CRMP1: variants seen among roughly 807,000 people sequenced by gnomAD.
CRMP1 encodes dihydropyrimidinase-related protein 1.
Under a neutral mutation model 68.3 loss-of-function variants are expected in CRMP1, and 19 were observed. That is an observed-to-expected ratio of 0.28 (90% CI 0.19 to 0.41). The LOEUF (loss-of-function observed/expected upper bound fraction) is 0.41. Among genes scored for constraint, CRMP1 ranks in the 10% least tolerant of loss-of-function variants. CRMP1 has a pLI of 1.00. For synonymous variants in CRMP1, 439 were observed against 399.6 expected (o/e 1.10, Z -1.18); for missense variants, 791 against 967.4 (o/e 0.82, Z 2.42).
intron 1 of CRMP1, chr4:5,887,253 C>T (rs540824871): frequency 1.1e-4 from 76 of 709,772 alleles, no homozygotes; most frequent in Middle Eastern, 1.4e-3. Flanking sequence ...TGGCAGGTGC[C>T]CTGCGACTGT....
Position 5,828,712 on chromosome 4 carries a change from C to G in CRMP1, c.1624-44G>C, listed in dbSNP as rs771997585. 17 of 1,599,174 alleles carry G rather than the reference C, an allele frequency of 1.1e-5. 1 individual carries two copies. Among genetic ancestry groups the G allele is most frequent in the African/African-American group, 6.7e-5 (5 of 74,638 alleles). Reference sequence around the variant, plus strand: ...TGTTACTTCCCAGGATTTGCTCTGCCCCAAACGAGCTGTTCATAACAGCGA... The same window carrying G: ...TGTTACTTCCCAGGATTTGCTCTGCGCCAAACGAGCTGTTCATAACAGCGA... On this transcript the variant is annotated intron_variant, in intron 11 of 13. Transcript: ENST00000324989.
At chr4:5,869,690 A>G (rs1357837887) in intron 1 of CRMP1, among the ~76,000 whole-genome samples, 1 of 144,732 alleles carries the variant, frequency 6.9e-6, no homozygotes, top group African/African-American at 2.5e-5. Context: ...TCAAAAAAAA[A>G]AAAAAAAAAA....
rs1157365056 is a variant in CRMP1 at position 5,865,159 on chromosome 4, T to G, written c.470+1509A>C. Among the ~76,000 whole-genome samples the G allele has an allele frequency of 2.6e-5, 4 of 152,082 alleles. No homozygotes were observed. The highest frequency in any genetic ancestry group is 9.7e-5 in the African/African-American group (4 of 41,396). On this transcript the variant is annotated intron_variant, in intron 2 of 13. Transcript: ENST00000324989. This position sits in a 1 kb window ranked among gnomAD's most constrained non-coding sequence, Gnocchi z 4.1. ...GTATCAATCCCTTTCTGCCTTCCCC[T>G]TGCTCCAATTCCCCTCTGCCTTTCC...
rs551363358 is a variant in CRMP1 at position 5,890,969 on chromosome 4, C to T, written c.381+1620G>A. On this transcript the variant is annotated intron_variant, in intron 1 of 13. Coordinates refer to ENST00000324989, the MANE Select transcript of CRMP1 (RefSeq NM_001014809.3). This position sits in a 1 kb window ranked among gnomAD's most constrained non-coding sequence, Gnocchi z 5.5. ...GGCCCAAGAGAGCAAAGCGCCTTGG[C>T]TGGAAACCCGGATTCCCTGGTGCTG... Among the ~76,000 whole-genome samples the T allele has an allele frequency of 6.6e-6, 1 of 152,232 alleles. No homozygotes were observed. The highest frequency in any genetic ancestry group is 2.4e-5 in the African/African-American group (1 of 41,560).
intron 4 of CRMP1, among the ~76,000 whole-genome samples, chr4:5,851,989 A>AGAGGAGGAGAAAGAGGACGAGGAG (rs1712692928): frequency 1.3e-5 from 1 of 75,498 alleles, no homozygotes; most frequent in Non-Finnish European, 3.3e-5. Context: ...AGGAAGAGGA[A>AGAGGAGGAGAAAGAGGACGAGGAG]GAGGAGGAGA....
chr4:5,836,641 G>A, intron 10 of CRMP1, 124 bp downstream of exon 10: 1 of 1,410,210 alleles, frequency 7.1e-7, no homozygotes, highest in Non-Finnish European at 9.9e-7. Flanking sequence ...CGCCCTCCTA[G>A]TATATCTGCT....
At position 5,889,941 on chromosome 4, in the gene CRMP1, G is replaced by T; in HGVS notation, c.381+2648C>A. ...TTTCCCATTTTACAGACAGGAAATT[G>T]AGGCTTACAGAGGTAAAATGATGTA... On this transcript the variant is annotated intron_variant, in intron 1 of 13. Transcript: ENST00000324989. This position sits in a 1 kb window ranked among gnomAD's most constrained non-coding sequence, Gnocchi z 4.5. 2 of 1,349,674 alleles carry T rather than the reference G, an allele frequency of 1.5e-6. No homozygotes were observed. Among genetic ancestry groups the T allele is most frequent in the Non-Finnish European group, 1.9e-6 (2 of 1,046,556 alleles). 83.6% of individuals were successfully genotyped at this position (1,349,674 alleles called of 1,614,324 possible).
In CRMP1 at chr4:5,838,077, G is replaced by A. The variant is rs929211358; in HGVS notation, c.1311-1171C>T. Among the ~76,000 whole-genome samples, 5 of 152,204 alleles carry A rather than the reference G, an allele frequency of 3.3e-5. No individual in the cohort carries two copies. Among genetic ancestry groups the A allele is most frequent in the African/African-American group, 1.2e-4 (5 of 41,446 alleles). On this transcript the variant is annotated intron_variant, in intron 9 of 13. Transcript: ENST00000324989. This position sits in a 1 kb window ranked among gnomAD's most constrained non-coding sequence, Gnocchi z 4.9. ...GGACAGGCTGGAGATGCCATTTCCA[G>A]GAGGATAATCAGAAAATTACGTCAC...
rs953208751 is a variant in CRMP1 at position 5,825,977 on chromosome 4, A to G, written c.1804-318T>C. ...ATGCATGCACATGCAGTAACAAAAC[A>G]GGCCTACACAGTAGCATACACGCGT... On this transcript the variant is annotated intron_variant, in intron 12 of 13. Transcript: ENST00000324989. The surrounding 1 kb of genome is among the most constrained non-coding windows in gnomAD (Gnocchi z 4.4). 3.1e-5 allele frequency: 12 copies of G among 391,214 alleles called. No homozygotes were observed. Among genetic ancestry groups the G allele is most frequent in the African/African-American group, 1.9e-4 (8 of 42,584 alleles). The allele number at this position is 391,214 out of a possible 1,614,324, so 24.2% of individuals were successfully genotyped here. A position where few individuals can be genotyped will look rare whatever the true frequency, so the allele number is the denominator to read the frequency against.
At chr4:5,868,767 C>T (rs901618217) in intron 1 of CRMP1, among the ~76,000 whole-genome samples, 2 of 152,094 alleles carry the variant, frequency 1.3e-5, no homozygotes, top group Non-Finnish European at 2.9e-5. Flanking sequence ...AAACTCCTTC[C>T]TTGGTTTGAA....
At chr4:5,823,686 C>A (rs902830019) in intron 13 of CRMP1, among the ~76,000 whole-genome samples, 1 of 152,220 alleles carries the variant, frequency 6.6e-6, no homozygotes, top group African/African-American at 2.4e-5. Context: ...TCTCTGCACA[C>A]GCTAGCTCTC....
Position 5,879,170 on chromosome 4 carries a change from G to T in CRMP1, c.382-12414C>A, listed in dbSNP as rs998134039. ...CCCGGCCTGAGCCCGGCCCTCTCTC[G>T]GCCGCGCCCCACCACATCTATCTAC... On this transcript the variant is annotated intron_variant, in intron 1 of 13. Transcript: ENST00000324989. This position sits in a 1 kb window ranked among gnomAD's most constrained non-coding sequence, Gnocchi z 4.2. Among the ~76,000 whole-genome samples, 2 of 103,330 alleles carry T rather than the reference G, an allele frequency of 1.9e-5. No homozygotes were observed. Among genetic ancestry groups the T allele is most frequent in the East Asian group, 4.8e-4 (2 of 4,124 alleles). 67.8% of individuals were successfully genotyped at this position (103,330 alleles called of 152,430 possible).
rs1713524974 is a variant in CRMP1 at position 5,861,206 on chromosome 4, T to C, written c.475A>G (p.Ile159Val). The C allele has an allele frequency of 8.7e-6, 14 of 1,613,114 alleles. No individual in the cohort carries two copies. The highest frequency in any genetic ancestry group is 1.2e-5 in the Non-Finnish European group (14 of 1,179,448). Residue 159 changes from isoleucine (I) to valine (V), a missense_variant, in exon 3 of 14, where the codon ATA (isoleucine) becomes GTA (valine). Around this residue, in one of 3 missense-constraint regions of CRMP1, gnomAD observed 594 missense variants for 763.6 expected, o/e 0.78. Transcript: ENST00000324989. The surrounding 1 kb of genome is among the most constrained non-coding windows in gnomAD (Gnocchi z 6.0). ...VYLEDGLIKQIGENLIVPGGV... is the reference protein window; with the variant it reads ...VYLEDGLIKQVGENLIVPGGV... ...CCAGGAACGATTAAGTTCTCTCCTA[T>C]TTGTCTGGAGGCAAACAACAGAGAC...
chr4:5,854,213 G>C lies in CRMP1; in HGVS notation c.820+1930C>G, dbSNP rs1048299147. 2.0e-5 allele frequency among the ~76,000 whole-genome samples: 3 copies of C among 152,174 alleles called. No individual in the cohort carries two copies. The South Asian group carries it at 6.2e-4, about 31-fold the overall frequency. On this transcript the variant is annotated intron_variant, in intron 4 of 13. Transcript: ENST00000324989. The surrounding 1 kb of genome is among the most constrained non-coding windows in gnomAD (Gnocchi z 4.0). ...CCTTGGATTATGACTCTGTTATGTA[G>C]TTGCAGTGAATCACGCAGCAACTGC...
At position 5,824,169 on chromosome 4, in the gene CRMP1, A is replaced by G. The variant is rs752737357; in HGVS notation, c.1969+1325T>C. The G allele has an allele frequency of 5.9e-5, 19 of 323,518 alleles. 1 individual carries two copies. The highest frequency in any genetic ancestry group is 1.8e-4 in the African/African-American group (8 of 44,400). The allele number at this position is 323,518 out of a possible 1,614,324, so 20.0% of individuals were successfully genotyped here. ...TTGCAATTGTGCAGTGTTTAATTGCATAACTCCAGAACAGTGGTCCAGTTT... is the reference window on the plus strand; with the variant it reads ...TTGCAATTGTGCAGTGTTTAATTGCGTAACTCCAGAACAGTGGTCCAGTTT... On this transcript the variant is annotated intron_variant, in intron 13 of 13. Transcript: ENST00000324989.
In CRMP1 at chr4:5,879,406, G is replaced by T. The variant is rs1715078500; in HGVS notation, c.382-12650C>A. ...CATCTCTGGTCCAGCATTTGTTCAT[G>T]ACACTCATTTTCCAGCTCATTGTAA... On this transcript the variant is annotated intron_variant, in intron 1 of 13. Transcript: ENST00000324989. The surrounding 1 kb of genome is among the most constrained non-coding windows in gnomAD (Gnocchi z 4.2). Among the ~76,000 whole-genome samples the T allele has an allele frequency of 6.6e-6, 1 of 152,196 alleles. No individual in the cohort carries two copies. The highest frequency in any genetic ancestry group is 1.9e-4 in the East Asian group (1 of 5,200).
chr4:5,822,966 C>T (rs1366663660), intron 13 of CRMP1, among the ~76,000 whole-genome samples: 1 of 152,246 alleles, frequency 6.6e-6, no homozygotes. Context: ...TCCTTTCTTG[C>T]TGACCTACCC....
chr4:5,859,067 G>A lies in CRMP1; in HGVS notation c.655+1959C>T, dbSNP rs1207836897. Among the ~76,000 whole-genome samples the A allele has an allele frequency of 1.4e-5, 2 of 144,494 alleles. No homozygotes were observed. The highest frequency in any genetic ancestry group is 3.1e-5 in the Non-Finnish European group (2 of 65,156). 94.8% of individuals were successfully genotyped at this position (144,494 alleles called of 152,430 possible). A position where few individuals can be genotyped will look rare whatever the true frequency, so the allele number is the denominator to read the frequency against. On this transcript the variant is annotated intron_variant, in intron 3 of 13. Coordinates refer to ENST00000324989, the MANE Select transcript of CRMP1 (RefSeq NM_001014809.3). The surrounding 1 kb of genome is among the most constrained non-coding windows in gnomAD (Gnocchi z 5.2). ...TGTGTACCCTTCTTTTGTAGCAGGA[G>A]TCACAGTTTCTAGTCATACATGTGG...
At chr4:5,852,875 G>A (rs1712766480) in intron 4 of CRMP1, among the ~76,000 whole-genome samples, 1 of 152,162 alleles carries the variant, frequency 6.6e-6, no homozygotes, top group Non-Finnish European at 1.5e-5. Flanking sequence ...ACGAACAGGA[G>A]AATCGCTAGG....
Sources: allele counts gnomAD v4.1 joint callset (sites outside exome capture counted in the v4.1 genomes callset), GRCh38; gene constraint gnomAD v4.1.1; regional missense constraint gnomAD v4.1.1; non-coding constraint Gnocchi (gnomAD v3.1); transcripts MANE v1.5; gene names NCBI Gene and HGNC (gene_info 2026-07-23, HGNC 2026-07-21).